The following ZSCAN5A variants were observed in gnomAD, a reference collection of about 807,000 sequenced individuals.
ZSCAN5A encodes zinc finger and SCAN domain-containing protein 5A.
ZSCAN5A carries 12 observed loss-of-function variants against 23.7 expected under a neutral mutation model. The observed-to-expected ratio is 0.51, with a 90% CI of 0.32 to 0.82. The LOEUF is 0.82. Among genes scored for constraint, ZSCAN5A ranks in the 40% least tolerant of loss-of-function variants. The pLI, the probability that ZSCAN5A is intolerant of heterozygous loss-of-function variation, is 0.03. For missense variants in ZSCAN5A, 597 were observed against 617.9 expected (o/e 0.97, Z 0.36); for synonymous variants, 257 against 239.9 (o/e 1.07, Z -0.66).
At chr19:56,288,078 T>C (rs1274603585) in intron 2 of ZSCAN5A, among the ~76,000 whole-genome samples, 1 of 152,128 alleles carries the variant, frequency 6.6e-6, no homozygotes, top group Non-Finnish European at 1.5e-5. Flanking sequence ...ACGAGGCTGG[T>C]GTGGCAGAGC....
At chr19:56,277,368 T>C (rs926229896) in intron 2 of ZSCAN5A, among the ~76,000 whole-genome samples, 2 of 152,194 alleles carry the variant, frequency 1.3e-5, no homozygotes, top group Non-Finnish European at 2.9e-5. Flanking sequence ...AGAAACAAAG[T>C]TCTGATGCAT....
chr19:56,247,912 G>A (rs527747797), intron 2 of ZSCAN5A, among the ~76,000 whole-genome samples: 6 of 152,200 alleles, frequency 3.9e-5, no homozygotes, highest in South Asian at 2.1e-4. Context: ...GGATGGTCTC[G>A]ATCTCCTGAC....
chr19:56,325,242 T>G (rs2041421987), intron 2 of ZSCAN5A, among the ~76,000 whole-genome samples: 1 of 152,320 alleles, frequency 6.6e-6, no homozygotes, highest in East Asian at 1.9e-4. Context: ...GGGATAAAGG[T>G]TGTTTACCCT....
At chr19:56,320,208 C>G (rs1378942656) in intron 2 of ZSCAN5A, 1 of 632,540 alleles carries the variant, frequency 1.6e-6, no homozygotes, top group African/African-American at 1.8e-5. Context: ...ATAATCATCT[C>G]AATTCTGTTC....
intron 2 of ZSCAN5A, chr19:56,295,224 A>G (rs2039787147): frequency 6.6e-6 from 1 of 152,136 alleles, no homozygotes; most frequent in African/African-American, 2.4e-5. Flanking sequence ...AGTTCAGAAA[A>G]CAACAACGGG....
chr19:56,314,580 C>A (rs1408199917), intron 1 of ZSCAN5A, 101 bp downstream of exon 1: 1 of 152,286 alleles, frequency 6.6e-6, no homozygotes, highest in Non-Finnish European at 1.5e-5. Flanking sequence ...CTCCCACGTC[C>A]CCGCCCCAGG....
chr19:56,357,190 G>A (rs2041705046), intron 2 of ZSCAN5A, among the ~76,000 whole-genome samples: 2 of 148,298 alleles, frequency 1.3e-5, no homozygotes, highest in South Asian at 2.2e-4. Flanking sequence ...TGCCAAGGGT[G>A]TTAAGGAACT....
chr19:56,309,536 AAC>A (rs1228458006), intron 2 of ZSCAN5A, among the ~76,000 whole-genome samples: 2 of 152,240 alleles, frequency 1.3e-5, no homozygotes, highest in African/African-American at 4.8e-5. Flanking sequence ...GGCCCTGCGG[AAC>A]ACAGTTTGAG....
At chr19:56,309,323 CTT>C (rs36058339) in intron 2 of ZSCAN5A, among the ~76,000 whole-genome samples, 16,614 of 152,152 alleles carry the variant, frequency 0.11, 1,026 homozygotes, top group African/African-American at 0.15. Context: ...GGAGTGACTG[CTT>C]TTAATGGATT....
chr19:56,325,154 C>T (rs1185683739), intron 2 of ZSCAN5A, among the ~76,000 whole-genome samples: 3 of 152,204 alleles, frequency 2.0e-5, no homozygotes, highest in African/African-American at 7.2e-5. Flanking sequence ...CCCTTCTTCC[C>T]TCCCCATTGC....
intron 2 of ZSCAN5A, among the ~76,000 whole-genome samples, chr19:56,348,926 C>T (rs1044576423): frequency 6.6e-6 from 1 of 152,016 alleles, no homozygotes; most frequent in African/African-American, 2.4e-5. Context: ...AATTAAACCT[C>T]AGTATTCCCC....
At chr19:56,260,177 T>C (rs1402271325) in intron 2 of ZSCAN5A, among the ~76,000 whole-genome samples, 1 of 151,798 alleles carries the variant, frequency 6.6e-6, no homozygotes, top group East Asian at 1.9e-4. Context: ...TTTTGGGAAA[T>C]ATATAGATTT....
intron 2 of ZSCAN5A, among the ~76,000 whole-genome samples, chr19:56,267,983 C>T (rs2037589925): frequency 1.3e-5 from 2 of 152,170 alleles, no homozygotes; most frequent in East Asian, 1.9e-4. Context: ...TCCCGCACCT[C>T]TATGATTTCA....
At position 56,335,949 on chromosome 19, in the gene ZSCAN5A, G is replaced by C. The variant is rs1278515531; in HGVS notation, c.-357-19681C>G. Among the ~76,000 whole-genome samples the C allele has an allele frequency of 4.6e-5, 7 of 152,048 alleles. No individual in the cohort carries two copies. In the South Asian group the frequency reaches 1.2e-3, roughly 27 times the overall value. ...CTGGCTTGTAGAGTTTCTGCCGAGA[G>C]ATCGCTGTTAGTCTGATGGGCTTCC... On this transcript the variant is annotated intron_variant, in intron 2 of 6. Transcript: ENST00000587340.
chr19:56,321,462 T>C, intron 2 of ZSCAN5A: 1 of 686,540 alleles, frequency 1.5e-6, no homozygotes, highest in Non-Finnish European at 2.7e-6. Flanking sequence ...CACACTTGGC[T>C]TTCATGTCAA....
chr19:56,295,753 C>T (rs1159013351), intron 2 of ZSCAN5A: 1 of 152,556 alleles, frequency 6.6e-6, no homozygotes, highest in Non-Finnish European at 1.5e-5. Flanking sequence ...GCGCTGTTCA[C>T]TGTGGCATGT....
chr19:56,310,207 C>T (rs947376304), intron 2 of ZSCAN5A: 4 of 152,310 alleles, frequency 2.6e-5, no homozygotes, highest in Non-Finnish European at 4.4e-5. Flanking sequence ...GGCATTCTAA[C>T]CTCTGAAGAA....
intron 2 of ZSCAN5A, chr19:56,321,368 C>T (rs949139536): frequency 3.1e-6 from 2 of 641,244 alleles, no homozygotes; most frequent in African/African-American, 1.8e-5. Context: ...ATGTGGACAC[C>T]AGCAGTTGGC....
In ZSCAN5A at chr19:56,342,863, A is replaced by G. The variant is rs778344053; in HGVS notation, c.-358+20372T>C. Reference sequence around the variant, plus strand: ...AAAAGCACCCCCTGGAATCCTGGATATCATTGCACAGTACCCACTTCAGGT... The same window carrying G: ...AAAAGCACCCCCTGGAATCCTGGATGTCATTGCACAGTACCCACTTCAGGT... On this transcript the variant is annotated intron_variant, in intron 2 of 6. Coordinates refer to the ZSCAN5A transcript ENST00000587340. 5.6e-4 allele frequency: 530 copies of G among 944,732 alleles called. 3 individuals carry two copies. The highest frequency in any genetic ancestry group is 4.9e-4 in the Admixed American group (29 of 58,704). 58.5% of individuals were successfully genotyped at this position (944,732 alleles called of 1,614,324 possible).
Sources: gnomAD v4.1 joint callset for allele counts (sites outside exome capture counted in the v4.1 genomes callset) on GRCh38, gnomAD v4.1.1 for gene constraint, MANE v1.5 for transcripts, NCBI Gene and HGNC (gene_info 2026-07-23, HGNC 2026-07-21) for gene names.